TMCC2: variants seen among roughly 807,000 people sequenced by gnomAD.
TMCC2 encodes the protein transmembrane and coiled-coil domains protein 2.
TMCC2 carries 16 observed loss-of-function variants against 49.4 expected under a neutral mutation model. That is an observed-to-expected ratio of 0.32 (90% CI 0.22 to 0.49). TMCC2 has a LOEUF of 0.49. Among genes scored for constraint, TMCC2 ranks in the 20% least tolerant of loss-of-function variants. TMCC2 has a pLI of 0.99. For synonymous variants in TMCC2, 397 were observed against 434.1 expected (o/e 0.91, Z 1.06); for missense variants, 762 against 989.8 (o/e 0.77, Z 3.09).
chr1:205,229,551 G>GGGT (rs1659702918), intron 1 of TMCC2: 2 of 694,102 alleles, frequency 2.9e-6, no homozygotes, highest in South Asian at 7.1e-5. Context: ...GGGGCGGGGG[G>GGGT]GGGGGGGTGG....
At chr1:205,246,609 A>G (rs746485212) in intron 2 of TMCC2, 13 of 1,550,216 alleles carry the variant, frequency 8.4e-6, no homozygotes, top group Non-Finnish European at 1.1e-5. Flanking sequence ...GAGCTGGAGG[A>G]GCCCAGCAGA....
At chr1:205,254,032 C>T (rs1660767525) in intron 2 of TMCC2, among the ~76,000 whole-genome samples, 1 of 152,208 alleles carries the variant, frequency 6.6e-6, no homozygotes, top group East Asian at 1.9e-4. Flanking sequence ...CTCCTGATGC[C>T]ACTGGTCTCA....
intron 2 of TMCC2, among the ~76,000 whole-genome samples, chr1:205,250,897 C>T (rs749983049): frequency 8.5e-5 from 13 of 152,148 alleles, no homozygotes; most frequent in Admixed American, 5.2e-4. Flanking sequence ...GGCAAGGAGC[C>T]GGCACTGATG....
chr1:205,252,974 T>A (rs776847802), intron 2 of TMCC2, among the ~76,000 whole-genome samples: 43 of 150,822 alleles, frequency 2.9e-4, no homozygotes, highest in Middle Eastern at 3.4e-3. Flanking sequence ...AAAAAAATAA[T>A]AATAATAAAA....
intron 2 of TMCC2, 163 bp from the exon 3 acceptor site, chr1:205,268,787 C>T (rs993141768): frequency 4.9e-5 from 32 of 658,822 alleles, no homozygotes; most frequent in Middle Eastern, 7.5e-4. Flanking sequence ...GATGTGAAAG[C>T]CCTGTGTAAG....
At chr1:205,248,680 C>T (rs1306558712) in intron 2 of TMCC2, among the ~76,000 whole-genome samples, 1 of 151,974 alleles carries the variant, frequency 6.6e-6, no homozygotes, top group Non-Finnish European at 1.5e-5. Flanking sequence ...CACCTGGCTC[C>T]TCAGAAAACA....
intron 2 of TMCC2, chr1:205,268,170 G>C (rs775148879): frequency 5.7e-6 from 4 of 704,512 alleles, no homozygotes; most frequent in Non-Finnish European, 5.2e-6. Context: ...AAGTGTAGGC[G>C]GTCAGCCCTG....
chr1:205,244,717 G>A (rs576280973), intron 2 of TMCC2, among the ~76,000 whole-genome samples: 12 of 152,176 alleles, frequency 7.9e-5, no homozygotes, highest in Non-Finnish European at 1.5e-4. Flanking sequence ...ATGTAAGGGT[G>A]ACAAAGGAGT....
intron 2 of TMCC2, chr1:205,257,355 G>C (rs1468791134): frequency 1.6e-6 from 2 of 1,232,292 alleles, no homozygotes; most frequent in Admixed American, 4.2e-5. Flanking sequence ...TCGGGAAACA[G>C]TGCCCACACA....
At chr1:205,267,102 A>G (rs548427461) in intron 2 of TMCC2, among the ~76,000 whole-genome samples, 10 of 152,192 alleles carry the variant, frequency 6.6e-5, no homozygotes, top group African/African-American at 2.2e-4. Context: ...TCAAGGGGGG[A>G]TGAGGGGAGA....
At chr1:205,262,986 G>A (rs1177632639) in intron 2 of TMCC2, among the ~76,000 whole-genome samples, 5 of 152,122 alleles carry the variant, frequency 3.3e-5, no homozygotes, top group Admixed American at 6.5e-5. Context: ...TCAGATGGAA[G>A]TGGTTGCCGA....
Position 205,233,059 on chromosome 1 carries a change from A to G in TMCC2, c.207+4288A>G, listed in dbSNP as rs900792743. Among the ~76,000 whole-genome samples the G allele has an allele frequency of 2.0e-5, 3 of 150,702 alleles. No homozygotes were observed. In the East Asian group the frequency reaches 5.9e-4, roughly 29 times the overall value. On this transcript the variant is annotated intron_variant, in intron 1 of 4. Coordinates refer to ENST00000358024, the MANE Select transcript of TMCC2 (RefSeq NM_014858.4). ...TGAGGCCCAGGATGAGTGGCCAAGC[A>G]TAAGAGTGAGCTGGTTCTATCCTGA...
chr1:205,246,425 G>T, intron 2 of TMCC2: 3 of 1,254,184 alleles, frequency 2.4e-6, no homozygotes, highest in Non-Finnish European at 3.1e-6. Context: ...TGGAGTTCTG[G>T]GGAGAGATCC....
chr1:205,254,190 A>G (rs1327143022), intron 2 of TMCC2, among the ~76,000 whole-genome samples: 1 of 151,638 alleles, frequency 6.6e-6, no homozygotes, highest in Admixed American at 6.6e-5. Context: ...ACTCCCAAGC[A>G]CTCTGTGGGC....
intron 2 of TMCC2, among the ~76,000 whole-genome samples, chr1:205,253,064 G>T (rs1660731410): frequency 6.6e-6 from 1 of 151,958 alleles, no homozygotes; most frequent in South Asian, 2.1e-4. Context: ...GCCCCCCAGA[G>T]TTTGAGGCTT....
chr1:205,242,658 A>G (rs1660318867), intron 2 of TMCC2, among the ~76,000 whole-genome samples: 1 of 152,214 alleles, frequency 6.6e-6, no homozygotes, highest in Non-Finnish European at 1.5e-5. Context: ...GTTGTGCTAC[A>G]AGAATGAACA....
At chr1:205,258,017 G>C (rs998547739) in intron 2 of TMCC2, among the ~76,000 whole-genome samples, 2 of 152,192 alleles carry the variant, frequency 1.3e-5, no homozygotes, top group African/African-American at 4.8e-5. Context: ...GGCCCTAATG[G>C]AAGGGGCTAG....
intron 3 of TMCC2, 50 bp from the exon 4 acceptor site, chr1:205,271,070 G>T (rs16855304): frequency 6.2e-7 from 1 of 1,603,358 alleles, no homozygotes; most frequent in Non-Finnish European, 8.5e-7. Context: ...GTGGGAGAGA[G>T]TGGAAGCTCG....
chr1:205,231,969 G>A (rs547107144), intron 1 of TMCC2, among the ~76,000 whole-genome samples: 125 of 152,332 alleles, frequency 8.2e-4, no homozygotes, highest in African/African-American at 2.9e-3. Context: ...AAAGGACTCT[G>A]TGTAAAGCAC....
Sources: gnomAD v4.1 joint callset for allele counts (sites outside exome capture counted in the v4.1 genomes callset) on GRCh38, gnomAD v4.1.1 for gene constraint, MANE v1.5 for transcripts, NCBI Gene and HGNC (gene_info 2026-07-23, HGNC 2026-07-21) for gene names.